Variants in GPLD1 observed in about 807,000 individuals in gnomAD.
GPLD1 encodes glycosylphosphatidylinositol specific phospholipase D1.
A neutral mutation model predicts 112.6 loss-of-function variants in GPLD1; 84 were observed. That is an observed-to-expected ratio of 0.75 (90% CI 0.63 to 0.89). The LOEUF is 0.89. Ranked by LOEUF, GPLD1 falls within the 40% of genes least tolerant of loss-of-function variation. GPLD1 has a pLI of 0.00. For missense variants in GPLD1, 1,044 were observed against 1,051.5 expected (o/e 0.99, Z 0.10); for synonymous variants, 386 against 403.8 (o/e 0.96, Z 0.53).
rs1440730887 is a variant in GPLD1, at chr6:24,478,310, CAG to C, written c.232+1569_232+1570del. On this transcript the variant is annotated intron_variant, in intron 3 of 24. Coordinates refer to ENST00000230036, the MANE Select transcript of GPLD1 (RefSeq NM_001503.4). ...GATAGTTAACAGACTAAGAGGGAAA[CAG>C]AACAAAACTCCTTATAAATATGAGA... Among the ~76,000 whole-genome samples, 6 of 152,268 alleles carry C rather than the reference CAG, an allele frequency of 3.9e-5. No individual in the cohort carries two copies. In the East Asian group the frequency reaches 1.2e-3, roughly 29 times the overall value.
chr6:24,489,121 A>T (rs1404055909), intron 1 of GPLD1, among the ~76,000 whole-genome samples: 2 of 152,152 alleles, frequency 1.3e-5, no homozygotes, highest in East Asian at 3.8e-4. Flanking sequence ...GCCACGTTGC[A>T]ACCTCTCGTT....
intron 3 of GPLD1, 48 bp from the exon 4 acceptor site, chr6:24,476,326 A>T: frequency 2.1e-6 from 2 of 930,606 alleles, no homozygotes; most frequent in Non-Finnish European, 3.4e-6. Context: ...AAAGTTGGAG[A>T]GTCTCAATCA....
At position 24,486,373 on chromosome 6, in the gene GPLD1, C is replaced by T. The variant is rs368334823; in HGVS notation, c.98-243G>A. On this transcript the variant is annotated intron_variant, in intron 1 of 24. Coordinates refer to ENST00000230036, the MANE Select transcript of GPLD1 (RefSeq NM_001503.4). ...AAGTTTCTGCTTAACTATTAAATAACTCTATGAGCTTTAGTGCTATTCAAC... is the reference window on the plus strand; with the variant it reads ...AAGTTTCTGCTTAACTATTAAATAATTCTATGAGCTTTAGTGCTATTCAAC... Among the ~76,000 whole-genome samples the T allele has an allele frequency of 5.0e-4, 76 of 152,308 alleles. No homozygotes were observed. The South Asian group carries it at 0.015, about 31-fold the overall frequency.
rs548112103 is a variant in GPLD1 at position 24,465,517 on chromosome 6, G to A, written c.821+1163C>T. 2.6e-5 allele frequency among the ~76,000 whole-genome samples: 4 copies of A among 152,076 alleles called. No individual in the cohort carries two copies. The East Asian group carries it at 5.8e-4, about 22-fold the overall frequency. On this transcript the variant is annotated intron_variant, in intron 10 of 24. Coordinates refer to ENST00000230036, the MANE Select transcript of GPLD1 (RefSeq NM_001503.4). ...ATAATGCCACTGCCCTCCAGCCTGG[G>A]TGACAGAACAAGACCCCATCTCAAA... is the stretch of plus-strand genomic sequence containing the variant.
intron 1 of GPLD1, among the ~76,000 whole-genome samples, chr6:24,488,514 C>T (rs962984154): frequency 6.6e-6 from 1 of 152,114 alleles, no homozygotes; most frequent in Admixed American, 6.5e-5. Context: ...AATTGACTCA[C>T]GTTTTCCATG....
intron 12 of GPLD1, among the ~76,000 whole-genome samples, chr6:24,458,911 G>T (rs1452024331): frequency 2.0e-5 from 3 of 151,924 alleles, no homozygotes; most frequent in African/African-American, 7.3e-5. Context: ...TTTTAAGGCA[G>T]TGACAGCAGT....
At chr6:24,437,473 A>G (rs1011877981) in intron 20 of GPLD1, among the ~76,000 whole-genome samples, 184 bp from the exon 21 acceptor site, 2 of 152,336 alleles carry the variant, frequency 1.3e-5, no homozygotes, top group South Asian at 2.1e-4. Context: ...CAAACACCAG[A>G]GAGCTTCAGT....
At position 24,449,892 on chromosome 6, in the gene GPLD1, C is replaced by A. The variant is rs1412730050; in HGVS notation, c.1343G>T (p.Gly448Val). The A allele has an allele frequency of 1.9e-6, 3 of 1,612,392 alleles. No homozygotes were observed. The highest frequency in any genetic ancestry group is 1.7e-5 in the Admixed American group (1 of 59,958). ...HRILEGFQPSGRFGSALAVLD... is the reference protein window; with the variant it reads ...HRILEGFQPSVRFGSALAVLD... ...CACAGCCAAGGCCGAGCCAAACCGA[C>A]CTGAGGGCTGAAGAGGCACAAGTTT... The change falls in exon 15 of 25, where the codon GGT becomes GTT. Residue 448 changes from glycine to valine, a missense_variant. By Grantham distance (109) the Gly-to-Val change is moderately radical. Coordinates refer to ENST00000230036, the MANE Select transcript of GPLD1 (RefSeq NM_001503.4).
chr6:24,489,614 G>T, upstream of GPLD1: 2 of 1,550,682 alleles, frequency 1.3e-6, no homozygotes, highest in Non-Finnish European at 1.7e-6. Flanking sequence ...TTCTCTCTAA[G>T]CAGGTCACTG....
chr6:24,476,222 C>G lies in GPLD1; in HGVS notation c.289G>C (p.Val97Leu), dbSNP rs777612304. 8.9e-6 allele frequency: 14 copies of G among 1,576,230 alleles called. No individual in the cohort carries two copies. The highest frequency in any genetic ancestry group is 1.8e-5 in the Admixed American group (1 of 56,324). The change falls in exon 4 of 25, where the codon GTT becomes CTT. Residue 97 changes from valine to leucine, a missense_variant. By Grantham distance (32) the Val-to-Leu change is conservative. Coordinates refer to ENST00000230036, the MANE Select transcript of GPLD1 (RefSeq NM_001503.4). ...THWTPFLNAS[V>L]HYIRENYPLP... ...GGATAGTTCTCTCGGATATAATGAA[C>G]GCTTGCATTAAGAAACGGAGTCCAG...
intron 17 of GPLD1, 65 bp from the exon 18 acceptor site, chr6:24,447,044 A>G (rs1321431489): frequency 6.8e-7 from 1 of 1,462,720 alleles, no homozygotes; most frequent in Non-Finnish European, 9.4e-7. Flanking sequence ...GATGAAAAGA[A>G]AGGGTCCTTC....
chr6:24,436,554 T>C lies in GPLD1; in HGVS notation c.2358+22A>G, dbSNP rs759861988. ...TTAGTGATCCTTTCCCAATAAGTTA[T>C]AGAATTTTGTAGAACACTTACCTTT... On this transcript the variant is annotated intron_variant, in intron 22 of 24. Transcript: ENST00000230036. 6.9e-6 allele frequency: 11 copies of C among 1,602,688 alleles called. No individual in the cohort carries two copies. In the East Asian group the frequency reaches 8.9e-5, roughly 13 times the overall value.
intron 12 of GPLD1, among the ~76,000 whole-genome samples, chr6:24,457,097 T>C (rs1763293045): frequency 6.6e-6 from 1 of 152,212 alleles, no homozygotes; most frequent in Admixed American, 6.5e-5. Flanking sequence ...CTCGAATTCC[T>C]GACCTTAAGC....
chr6:24,438,618 G>T (rs982467200), intron 20 of GPLD1, among the ~76,000 whole-genome samples: 2 of 152,188 alleles, frequency 1.3e-5, no homozygotes, highest in Non-Finnish European at 2.9e-5. Context: ...TAGGAAATAA[G>T]AAAGAGTATT....
intron 15 of GPLD1, among the ~76,000 whole-genome samples, chr6:24,449,373 C>G (rs1447788795): frequency 6.6e-6 from 1 of 152,066 alleles, no homozygotes; most frequent in Admixed American, 6.6e-5. Context: ...GGGCCAGGGT[C>G]CAGGATCTCT....
In GPLD1 at chr6:24,467,152, C is replaced by T. The variant is rs1229585453; in HGVS notation, c.653+15G>A. The T allele has an allele frequency of 2.1e-6, 3 of 1,418,134 alleles. No individual in the cohort carries two copies. The Admixed American group carries it at 5.0e-5, about 24-fold the overall frequency. The allele number at this position is 1,418,134 out of a possible 1,614,324, so 87.8% of individuals were successfully genotyped here. Reference sequence around the variant, plus strand: ...AACAAAATCAGCTGCAAATTGTCCTCTGAGTTACGCTTACATTTCTAAGAA... The same window carrying T: ...AACAAAATCAGCTGCAAATTGTCCTTTGAGTTACGCTTACATTTCTAAGAA... On this transcript the variant is annotated intron_variant, in intron 8 of 24. Transcript: ENST00000230036.
intron 22 of GPLD1, chr6:24,435,824 C>CAAAAAAAAAGAAAAAAAAA (rs1762556811): frequency 3.0e-5 from 1 of 32,898 alleles, no homozygotes; most frequent in Non-Finnish European, 6.6e-5. Context: ...GACGCTGTCT[C>CAAAAAAAAAGAAAAAAAAA]AAAAAAAAAA....
chr6:24,473,831 T>A (rs1032362830), intron 5 of GPLD1, among the ~76,000 whole-genome samples, 164 bp from the exon 6 acceptor site: 8 of 151,922 alleles, frequency 5.3e-5, no homozygotes, highest in African/African-American at 1.5e-4. Context: ...AAAAAAATAA[T>A]AATAATAAAA....
At chr6:24,436,005 C>G (rs1212099017) in intron 22 of GPLD1, 1 of 152,004 alleles carries the variant, frequency 6.6e-6, no homozygotes, top group Non-Finnish European at 1.5e-5. Flanking sequence ...GCCTGTAATC[C>G]CAGCACTTTG....
Sources: gnomAD v4.1 joint callset for allele counts (sites outside exome capture counted in the v4.1 genomes callset) on GRCh38, gnomAD v4.1.1 for gene constraint, MANE v1.5 for transcripts, NCBI Gene and HGNC (gene_info 2026-07-23, HGNC 2026-07-21) for gene names.